Variants in LRMDA observed in about 807,000 individuals in gnomAD.
The protein encoded by LRMDA is leucine rich melanocyte differentiation associated.
A neutral mutation model predicts 29.8 loss-of-function variants in LRMDA; 18 were observed. That is an observed-to-expected ratio of 0.60 (90% CI 0.42 to 0.90). The LOEUF (loss-of-function observed/expected upper bound fraction) is 0.90, where lower values mean the gene tolerates loss of function less well. Among genes scored for constraint, LRMDA ranks in the 40% least tolerant of loss-of-function variants. The pLI, the probability that LRMDA is intolerant of heterozygous loss-of-function variation, is 0.00. For missense variants in LRMDA, 273 were observed against 273.9 expected (o/e 1.00, Z 0.02); for synonymous variants, 125 against 109.4 (o/e 1.14, Z -0.89).
chr10:76,319,527 G>GT (rs1050418475), intron 5 of LRMDA, among the ~76,000 whole-genome samples: 5 of 151,614 alleles, frequency 3.3e-5, no homozygotes, highest in Middle Eastern at 3.4e-3. Flanking sequence ...ATCATAGTAT[G>GT]TTTTTTTTTA....
chr10:76,536,645 A>G (rs960038412), intron 6 of LRMDA, among the ~76,000 whole-genome samples: 3 of 152,096 alleles, frequency 2.0e-5, no homozygotes, highest in Non-Finnish European at 2.9e-5. Context: ...CAAGTTTAAC[A>G]TTTTGGCAAG....
chr10:76,406,486 G>A (rs539022720), intron 6 of LRMDA, among the ~76,000 whole-genome samples: 1 of 152,192 alleles, frequency 6.6e-6, no homozygotes. Flanking sequence ...GGAGATACCC[G>A]TTGAGCCTCT....
At chr10:75,784,144 G>A (rs1050542428) in intron 2 of LRMDA, among the ~76,000 whole-genome samples, 12 of 152,126 alleles carry the variant, frequency 7.9e-5, no homozygotes, top group African/African-American at 2.9e-4. Context: ...TATAGTGTTG[G>A]GATTAAAAGT....
chr10:76,207,959 A>G (rs1012618772), intron 5 of LRMDA, among the ~76,000 whole-genome samples: 2 of 152,020 alleles, frequency 1.3e-5, no homozygotes, highest in Non-Finnish European at 2.9e-5. Flanking sequence ...ACGAGACTCC[A>G]TCTCAAAAAA....
At chr10:75,772,869 T>TGGGGGGGGGGGGGGGGG (rs1554824987) in intron 2 of LRMDA, among the ~76,000 whole-genome samples, 1 of 49,780 alleles carries the variant, frequency 2.0e-5, no homozygotes, top group African/African-American at 7.1e-5. Context: ...GGGGGTGGGA[T>TGGGGGGGGGGGGGGGGG]GGGGGGGGGC....
chr10:75,937,652 A>G (rs997757202), intron 2 of LRMDA, among the ~76,000 whole-genome samples: 4 of 152,222 alleles, frequency 2.6e-5, no homozygotes, highest in Admixed American at 2.6e-4. Flanking sequence ...GTTATAAATG[A>G]GTGGGATCTG....
chr10:75,857,119 A>C (rs28429969), intron 2 of LRMDA, among the ~76,000 whole-genome samples: 6,942 of 152,276 alleles, frequency 0.046, 448 homozygotes, highest in African/African-American at 0.14. Flanking sequence ...CTGTTTCTTT[A>C]TCCAATAAAT....
At chr10:76,304,179 T>C (rs146656307) in intron 5 of LRMDA, among the ~76,000 whole-genome samples, 1 of 152,260 alleles carries the variant, frequency 6.6e-6, no homozygotes, top group African/African-American at 2.4e-5. Context: ...GACAGAAAGA[T>C]GGGTATAACA....
chr10:75,854,152 C>G (rs924450524), intron 2 of LRMDA, among the ~76,000 whole-genome samples: 2 of 152,070 alleles, frequency 1.3e-5, no homozygotes, highest in African/African-American at 4.8e-5. Flanking sequence ...GGAGCTCATG[C>G]GAATGAGTGG....
At chr10:75,631,811 T>C (rs1347879845) in intron 2 of LRMDA, among the ~76,000 whole-genome samples, 1 of 152,204 alleles carries the variant, frequency 6.6e-6, no homozygotes, top group Non-Finnish European at 1.5e-5. Context: ...AGTGATCTCC[T>C]ATGACTGGCA....
chr10:76,170,989 A>C (rs923887580), intron 5 of LRMDA, among the ~76,000 whole-genome samples: 3 of 152,376 alleles, frequency 2.0e-5, no homozygotes, highest in South Asian at 2.1e-4. Flanking sequence ...TATTATGAGT[A>C]TATGTACTAA....
intron 5 of LRMDA, among the ~76,000 whole-genome samples, chr10:76,128,312 A>C (rs144096104): frequency 1.4e-3 from 206 of 152,298 alleles, no homozygotes; most frequent in African/African-American, 4.8e-3. Flanking sequence ...TGCTGGATGC[A>C]AGCCATGGGG....
intron 6 of LRMDA, among the ~76,000 whole-genome samples, chr10:76,549,408 C>G (rs1249162629): frequency 6.6e-6 from 1 of 152,174 alleles, no homozygotes; most frequent in African/African-American, 2.4e-5. Context: ...ATAATCTGTC[C>G]TCTCCCAGTG....
chr10:76,290,411 CTTTTTTTT>C (rs11321369), intron 5 of LRMDA, among the ~76,000 whole-genome samples: 236 of 76,768 alleles, frequency 3.1e-3, no homozygotes, highest in East Asian at 7.0e-3. Context: ...TTTATTTTCT[CTTTTTTTT>C]TTTTTTTTTT....
intron 6 of LRMDA, among the ~76,000 whole-genome samples, chr10:76,420,030 T>C (rs1842056540): frequency 6.6e-6 from 1 of 152,090 alleles, no homozygotes; most frequent in East Asian, 1.9e-4. Context: ...TTCTTTCTGG[T>C]AATGCTCTTA....
chr10:76,473,077 A>T (rs771955510), intron 6 of LRMDA, among the ~76,000 whole-genome samples: 51 of 151,788 alleles, frequency 3.4e-4, no homozygotes, highest in Admixed American at 1.4e-3. Flanking sequence ...TAAGAAAGAA[A>T]AATATGATAT....
At chr10:75,737,071 A>ACACACACGCACATGCATG (rs1382424500) in intron 2 of LRMDA, among the ~76,000 whole-genome samples, 5 of 151,460 alleles carry the variant, frequency 3.3e-5, no homozygotes, top group African/African-American at 1.2e-4. Context: ...GCACACACAC[A>ACACACACGCACATGCATG]CACACACGCA....
At chr10:75,836,691 C>T (rs556939559) in intron 2 of LRMDA, among the ~76,000 whole-genome samples, 29 of 152,214 alleles carry the variant, frequency 1.9e-4, no homozygotes, top group African/African-American at 6.7e-4. Context: ...AATTCTTGTC[C>T]ACATCTTTAC....
In LRMDA at chr10:76,036,021, CTG is replaced by C. The variant is rs1848236375; in HGVS notation, c.146_147del (p.Leu49GlnfsTer40). ...SFNLLRSLEG[L>X]SAFRSLEELI... ...TTGTCATTGCAGGTCACTGGAAGGA[CTG>C]AGCGCATTCAGGAGCCTGGAGGAAC... On this transcript the variant is annotated frameshift_variant, in exon 3 of 7. Coordinates refer to ENST00000611255, the MANE Select transcript of LRMDA (RefSeq NM_001305581.2). LOFTEE classifies it high-confidence loss of function. 1 of 1,614,058 alleles carries C rather than the reference CTG, an allele frequency of 6.2e-7. No homozygotes were observed.
Sources: gnomAD v4.1 joint callset for allele counts (sites outside exome capture counted in the v4.1 genomes callset) on GRCh38, gnomAD v4.1.1 for gene constraint, MANE v1.5 for transcripts, NCBI Gene and HGNC (gene_info 2026-07-23, HGNC 2026-07-21) for gene names.